PCDH15: variants seen among roughly 807,000 people sequenced by gnomAD.
The protein encoded by PCDH15 is protocadherin-15.
A neutral mutation model predicts 178.5 loss-of-function variants in PCDH15; 129 were observed. That is an observed-to-expected ratio of 0.72 (90% CI 0.63 to 0.84). PCDH15 has a LOEUF of 0.84. PCDH15 is among the 40% of genes least tolerant of loss of function. The pLI, the probability that PCDH15 is intolerant of heterozygous loss-of-function variation, is 0.00. For missense variants in PCDH15, 2,230 were observed against 2,099.9 expected (o/e 1.06, Z -1.21); for synonymous variants, 800 against 732.0 (o/e 1.09, Z -1.50).
At chr10:55,559,203 C>A (rs931748194) in intron 2 of PCDH15, among the ~76,000 whole-genome samples, 1 of 151,856 alleles carries the variant, frequency 6.6e-6, no homozygotes, top group South Asian at 2.1e-4. Flanking sequence ...CCAAATAGAA[C>A]CAAATGTATA....
intron 8 of PCDH15, among the ~76,000 whole-genome samples, chr10:54,250,715 T>C (rs1415783728): frequency 1.3e-5 from 2 of 152,174 alleles, no homozygotes; most frequent in Non-Finnish European, 2.9e-5. Flanking sequence ...TCAAATAATC[T>C]GGATTTACGG....
At chr10:54,282,022 C>T (rs555046804) in intron 8 of PCDH15, among the ~76,000 whole-genome samples, 1 of 152,216 alleles carries the variant, frequency 6.6e-6, no homozygotes, top group Admixed American at 6.6e-5. Context: ...CCAGACATAA[C>T]AGTTGACTTT....
chr10:55,315,810 G>T (rs1483977600), intron 1 of PCDH15, among the ~76,000 whole-genome samples: 2 of 152,104 alleles, frequency 1.3e-5, no homozygotes, highest in African/African-American at 2.4e-5. Context: ...GAGGTCAGAA[G>T]TTCAAGACCA....
At chr10:54,823,145 A>T (rs777520770) in intron 3 of PCDH15, among the ~76,000 whole-genome samples, 2 of 152,004 alleles carry the variant, frequency 1.3e-5, no homozygotes, top group African/African-American at 2.4e-5. Flanking sequence ...GCCTCCTAAA[A>T]TGCTGGGATT....
At chr10:55,215,632 A>T (rs984829817) in intron 1 of PCDH15, among the ~76,000 whole-genome samples, 2 of 152,060 alleles carry the variant, frequency 1.3e-5, no homozygotes, top group Non-Finnish European at 2.9e-5. Context: ...ATGTAAATTG[A>T]TAAGTGTTGT....
chr10:54,744,744 T>A (rs1167532863), intron 1 of PCDH15, among the ~76,000 whole-genome samples: 4 of 152,156 alleles, frequency 2.6e-5, no homozygotes, highest in Non-Finnish European at 5.9e-5. Flanking sequence ...ACAAAAAGTA[T>A]GTCTCCTTCT....
intron 3 of PCDH15, among the ~76,000 whole-genome samples, chr10:54,895,547 G>A (rs1465835989): frequency 1.3e-5 from 2 of 152,088 alleles, no homozygotes; most frequent in African/African-American, 4.8e-5. Context: ...TGCCCCCTTT[G>A]CACTGTTGTC....
chr10:54,546,755 A>T (rs2085901733), intron 2 of PCDH15, among the ~76,000 whole-genome samples: 1 of 152,208 alleles, frequency 6.6e-6, no homozygotes, highest in African/African-American at 2.4e-5. Context: ...TCAGTGTCAC[A>T]CACTGAAAAC....
chr10:54,408,066 A>G (rs1458040063), intron 3 of PCDH15, among the ~76,000 whole-genome samples: 4 of 151,458 alleles, frequency 2.6e-5, no homozygotes, highest in African/African-American at 4.8e-5. Context: ...AAAAAAAAAA[A>G]AAAAGGAAAA....
At chr10:55,245,232 C>CT (rs1169484094) in intron 1 of PCDH15, among the ~76,000 whole-genome samples, 1 of 152,064 alleles carries the variant, frequency 6.6e-6, no homozygotes, top group Non-Finnish European at 1.5e-5. Context: ...ATTCTCTTCA[C>CT]TTGTCTTCAC....
At chr10:54,622,181 T>C (rs2093373115) in intron 2 of PCDH15, among the ~76,000 whole-genome samples, 1 of 151,720 alleles carries the variant, frequency 6.6e-6, no homozygotes, top group Non-Finnish European at 1.5e-5. Flanking sequence ...AGAGATATTT[T>C]AGTGTCTGAA....
chr10:54,766,544 G>GAAA (rs58039735), intron 1 of PCDH15, among the ~76,000 whole-genome samples: 2,730 of 143,034 alleles, frequency 0.019, 78 homozygotes, highest in African/African-American at 0.065. Flanking sequence ...ATTGATACAA[G>GAAA]AAAAAAAAAA....
At chr10:54,656,580 C>T (rs1042029704) in intron 2 of PCDH15, among the ~76,000 whole-genome samples, 5 of 152,140 alleles carry the variant, frequency 3.3e-5, no homozygotes, top group Non-Finnish European at 7.4e-5. Flanking sequence ...CACTGCTGTG[C>T]CTGTAGAACC....
chr10:54,251,607 G>A (rs1727889647), intron 8 of PCDH15, among the ~76,000 whole-genome samples: 1 of 152,062 alleles, frequency 6.6e-6, no homozygotes, highest in Non-Finnish European at 1.5e-5. Flanking sequence ...TAGTTTCTGT[G>A]AACTCCACCT....
intron 25 of PCDH15, among the ~76,000 whole-genome samples, chr10:53,932,312 T>C (rs916874446): frequency 5.3e-5 from 8 of 152,160 alleles, no homozygotes; most frequent in African/African-American, 9.7e-5. Flanking sequence ...TTGGGTTGGT[T>C]TGGGTATAAT....
chr10:55,455,652 A>C (rs556209498), intron 2 of PCDH15, among the ~76,000 whole-genome samples: 5 of 152,324 alleles, frequency 3.3e-5, no homozygotes, highest in Admixed American at 3.3e-4. Flanking sequence ...TCTATTCAAC[A>C]TAAGAATAAC....
At chr10:55,357,191 T>TGAAA in intron 2 of PCDH15, among the ~76,000 whole-genome samples, 1 of 151,944 alleles carries the variant, frequency 6.6e-6, no homozygotes, top group East Asian at 1.9e-4. Flanking sequence ...AATGAAATTA[T>TGAAA]ATTGAAAAAT....
chr10:55,305,960 A>T (rs886947984), intron 1 of PCDH15, among the ~76,000 whole-genome samples: 18 of 152,230 alleles, frequency 1.2e-4, no homozygotes, highest in African/African-American at 4.3e-4. Context: ...ATCCCCACAC[A>T]AAGCATAATA....
intron 2 of PCDH15, among the ~76,000 whole-genome samples, chr10:55,100,481 G>A (rs571939302): frequency 7.9e-5 from 12 of 152,198 alleles, no homozygotes; most frequent in African/African-American, 2.9e-4. Context: ...GTAAAAAAGT[G>A]TATTAGTTTA....
Sources: gnomAD v4.1 joint callset for allele counts (sites outside exome capture counted in the v4.1 genomes callset) on GRCh38, gnomAD v4.1.1 for gene constraint, MANE v1.5 for transcripts, NCBI Gene and HGNC (gene_info 2026-07-23, HGNC 2026-07-21) for gene names.